The following CCL8 variants were observed in gnomAD, a reference collection of about 807,000 sequenced individuals.
The protein encoded by CCL8 is C-C motif chemokine ligand 8.
CCL8 carries 3 observed loss-of-function variants against 6.6 expected under a neutral mutation model. That is an observed-to-expected ratio of 0.45 (90% CI 0.21 to 1.17). CCL8 has a LOEUF of 1.17. Among genes scored for constraint, CCL8 ranks in the 50% most tolerant of loss-of-function variants. CCL8 has a pLI of 0.24. For missense variants in CCL8, 127 were observed against 118.1 expected (o/e 1.08, Z -0.35); for synonymous variants, 49 against 41.8 (o/e 1.17, Z -0.67).
Position 34,320,809 on chromosome 17 carries a change from A to T in CCL8, c.202A>T (p.Thr68Ser). Residue 68 changes from threonine (T) to serine (S), a missense_variant, in exon 3 of 3, where the codon ACC becomes TCC. Physicochemically the swap from Thr to Ser is moderately conservative, Grantham distance 58 (BLOSUM62 1). Transcript: ENST00000394620. ...GCCCTCTCTCCCCCACAGCTTCAAG[A>T]CCAAACGGGGCAAGGAGGTCTGTGC... The part of the protein sequence containing the change: ...QCPKEAVIFK[T>S]KRGKEVCADP... 1 of 1,603,212 alleles carries T rather than the reference A, an allele frequency of 6.2e-7. No homozygotes were observed. Among genetic ancestry groups the T allele is most frequent in the Non-Finnish European group, 8.5e-7 (1 of 1,175,680 alleles).
At chr17:34,320,058 A>G (rs1909472541) in intron 1 of CCL8, among the ~76,000 whole-genome samples, 1 of 152,218 alleles carries the variant, frequency 6.6e-6, no homozygotes, top group South Asian at 2.1e-4. Context: ...TTGTTACTCA[A>G]AATGTTTCCA....
Position 34,319,568 on chromosome 17 carries a change from G to A in CCL8, c.67G>A (p.Ala23Thr). The A allele has an allele frequency of 6.2e-7, 1 of 1,613,432 alleles. No homozygotes were observed. The highest frequency in any genetic ancestry group is 8.5e-7 in the Non-Finnish European group (1 of 1,179,470). ...AGCCACTTTCAGCCCTCAGGGACTT[G>A]CTCAGCCAGGTAAGACCTCTCCCTT... Reference protein sequence around the residue: ...MAATFSPQGLAQPDSVSIPIT... With the variant: ...MAATFSPQGLTQPDSVSIPIT... The change falls in exon 1 of 3, where the codon GCT becomes ACT. Residue 23 changes from alanine (A) to threonine (T), a missense_variant. Coordinates refer to ENST00000394620, the MANE Select transcript of CCL8 (RefSeq NM_005623.3).
At chr17:34,320,086 C>A (rs745703989) in intron 1 of CCL8, among the ~76,000 whole-genome samples, 183 bp from the exon 2 acceptor site, 1 of 152,120 alleles carries the variant, frequency 6.6e-6, no homozygotes, top group Admixed American at 6.6e-5. Context: ...TCAACAATGA[C>A]GGGCCGCAGA....
chr17:34,320,215 A>T (rs1909476861), intron 1 of CCL8, 54 bp from the exon 2 acceptor site: 4 of 1,066,798 alleles, frequency 3.7e-6, no homozygotes, highest in Non-Finnish European at 4.4e-6. Flanking sequence ...TTCCTTACAA[A>T]TGCACACTTA....
rs757458292 is a variant in CCL8 at position 34,319,518 on chromosome 17, C to T, written c.17C>T (p.Ala6Val). MKVSAALLCLLLMAAT... is the reference protein window; with the variant it reads MKVSAVLLCLLLMAAT... ...CCCTCCAAGATGAAGGTTTCTGCAG[C>T]GCTTCTGTGCCTGCTGCTCATGGCA... The change falls in exon 1 of 3, where the codon GCG becomes GTG. Residue 6 changes from alanine (A) to valine (V), a missense_variant. Ala to Val is a moderately conservative substitution (Grantham distance 64). Coordinates refer to ENST00000394620, the MANE Select transcript of CCL8 (RefSeq NM_005623.3). 7.4e-6 allele frequency: 12 copies of T among 1,613,736 alleles called. No individual in the cohort carries two copies. The highest frequency in any genetic ancestry group is 4.4e-5 in the South Asian group (4 of 91,082).
At position 34,321,008 on chromosome 17, in the gene CCL8, A is replaced by C. The variant is rs200364949; in HGVS notation, c.*101A>C. 7 of 643,902 alleles carry C rather than the reference A, an allele frequency of 1.1e-5. No individual in the cohort carries two copies. The Admixed American group carries it at 2.4e-4, about 22-fold the overall frequency. The allele number at this position is 643,902 out of a possible 1,614,324, so 39.9% of individuals were successfully genotyped here. ...GTGACATTATTTTATTATAACATCC[A>C]CAAAGAGATTATTTTTAAATAATTT... On this transcript the variant is annotated 3_prime_UTR_variant, in exon 3 of 3. Transcript: ENST00000394620.
intron 2 of CCL8, 87 bp from the exon 3 acceptor site, chr17:34,320,715 G>A: frequency 1.2e-6 from 1 of 823,944 alleles, no homozygotes; most frequent in Non-Finnish European, 1.9e-6. Flanking sequence ...AGGACCAAGG[G>A]CTGATCAGTT....
At position 34,320,785 on chromosome 17, in the gene CCL8, C is replaced by T. The variant is rs200441392; in HGVS notation, c.195-17C>T. On this transcript the variant is annotated splice_polypyrimidine_tract_variant and intron_variant, in intron 2 of 2. Transcript: ENST00000394620. The stretch of plus-strand genomic sequence containing the variant: ...CTTCAAAGTCTTCCATCTAATTGTG[C>T]CCTCTCTCCCCCACAGCTTCAAGAC... 2.7e-6 allele frequency: 4 copies of T among 1,505,874 alleles called. No individual in the cohort carries two copies. The highest frequency in any genetic ancestry group is 3.7e-6 in the Non-Finnish European group (4 of 1,092,856). 93.3% of individuals were successfully genotyped at this position (1,505,874 alleles called of 1,614,324 possible).
In CCL8 at chr17:34,320,338, A is replaced by T. The variant is rs34202026; in HGVS notation, c.146A>T (p.Glu49Val). Reference protein sequence around the residue: ...INRKIPIQRLESYTRITNIQC... With the variant: ...INRKIPIQRLVSYTRITNIQC... ...AGGAAAATTCCTATCCAGAGGCTGG[A>T]GAGCTACACAAGAATCACCAACATC... is the stretch of plus-strand genomic sequence containing the variant. The change falls in exon 2 of 3, where the codon GAG becomes GTG. Residue 49 changes from glutamate (E) to valine (V), a missense_variant. Glu to Val is a moderately radical substitution (Grantham distance 121). Coordinates refer to ENST00000394620, the MANE Select transcript of CCL8 (RefSeq NM_005623.3). 0.019 allele frequency: 30,076 copies of T among 1,613,512 alleles called. 349 individuals are homozygous for T. Among genetic ancestry groups the T allele is most frequent in the Non-Finnish European group, 0.022 (25,874 of 1,179,482 alleles).
At position 34,320,470 on chromosome 17, in the gene CCL8, G is replaced by T. The variant is rs144578676; in HGVS notation, c.194+84G>T. On this transcript the variant is annotated intron_variant, in intron 2 of 2. Transcript: ENST00000394620. ...TCAAGATTCATGTCCATATGAGTCG[G>T]ATGCATATAACTTCTATCCAAAGGG... The T allele has an allele frequency of 3.5e-4, 315 of 889,802 alleles. 1 individual carries two copies. The East Asian group carries it at 6.4e-3, about 18-fold the overall frequency. 55.1% of individuals were successfully genotyped at this position (889,802 alleles called of 1,614,324 possible).
rs200181901 is a variant in CCL8, at chr17:34,320,928, A to G, written c.*21A>G. 717 of 1,494,688 alleles carry G rather than the reference A, an allele frequency of 4.8e-4. 1 individual carries two copies. Among genetic ancestry groups the G allele is most frequent in the Non-Finnish European group, 6.4e-4 (693 of 1,085,188 alleles). The allele number at this position is 1,494,688 out of a possible 1,614,324, so 92.6% of individuals were successfully genotyped here. ...CATGAGCCTTCATACATGGACTGAG[A>G]GTCAGAGCTTGAAGAAAAGCTTATT... On this transcript the variant is annotated 3_prime_UTR_variant, in exon 3 of 3. Coordinates refer to ENST00000394620, the MANE Select transcript of CCL8 (RefSeq NM_005623.3).
intron 2 of CCL8, 39 bp downstream of exon 2, chr17:34,320,425 T>C (rs1315282913): frequency 7.8e-7 from 1 of 1,279,550 alleles, no homozygotes; most frequent in Non-Finnish European, 1.1e-6. Flanking sequence ...TCAAAAGTTC[T>C]GATGGACAAC....
intron 2 of CCL8, 132 bp from the exon 3 acceptor site, chr17:34,320,670 C>T (rs1258501441): frequency 8.0e-6 from 5 of 626,508 alleles, no homozygotes; most frequent in Non-Finnish European, 1.1e-5. Flanking sequence ...CCACTCTTCC[C>T]CTCCCTCCTC....
At position 34,319,450 on chromosome 17, in the gene CCL8, A is replaced by G. The variant is rs113350491; in HGVS notation, c.-52A>G. The G allele has an allele frequency of 3.7e-4, 573 of 1,545,494 alleles. 1 individual carries two copies. The African/African-American group carries it at 6.6e-3, about 18-fold the overall frequency. On this transcript the variant is annotated 5_prime_UTR_variant, in exon 1 of 3. Transcript: ENST00000394620. ...ACCGAGGAGCAGAGAGGTTGAGAAC[A>G]ACCCAGAAACCTTCACCTCTCATGC...
At position 34,320,936 on chromosome 17, in the gene CCL8, C is replaced by T; in HGVS notation, c.*29C>T. ...TTCATACATGGACTGAGAGTCAGAG[C>T]TTGAAGAAAAGCTTATTTATTTTCC... is the stretch of plus-strand genomic sequence containing the variant. On this transcript the variant is annotated 3_prime_UTR_variant, in exon 3 of 3. Coordinates refer to ENST00000394620, the MANE Select transcript of CCL8 (RefSeq NM_005623.3). 1 of 1,451,536 alleles carries T rather than the reference C, an allele frequency of 6.9e-7. No individual in the cohort carries two copies. The highest frequency in any genetic ancestry group is 2.4e-5 in the East Asian group (1 of 41,960). 89.9% of individuals were successfully genotyped at this position (1,451,536 alleles called of 1,614,324 possible).
chr17:34,320,826 G>C lies in CCL8; in HGVS notation c.219G>C (p.Glu73Asp), dbSNP rs983414756. The C allele has an allele frequency of 1.2e-6, 2 of 1,608,114 alleles. No homozygotes were observed. Among genetic ancestry groups the C allele is most frequent in the Middle Eastern group, 3.3e-4 (2 of 6,042 alleles). ...AVIFKTKRGK[E>D]VCADPKERWV... is the part of the protein sequence containing the mutation. ...GCTTCAAGACCAAACGGGGCAAGGA[G>C]GTCTGTGCTGACCCCAAGGAGAGAT... The change falls in exon 3 of 3, where the codon GAG (glutamate) becomes GAC (aspartate). Residue 73 changes from glutamate to aspartate, a missense_variant. Coordinates refer to ENST00000394620, the MANE Select transcript of CCL8 (RefSeq NM_005623.3).
chr17:34,320,491 A>T (rs2141929249), intron 2 of CCL8, 105 bp downstream of exon 2: 3 of 768,686 alleles, frequency 3.9e-6, no homozygotes, highest in Non-Finnish European at 6.9e-6. Context: ...CTTCTATCCA[A>T]AGGGCCCCTC....
Position 34,319,440 on chromosome 17 carries a change from G to A in CCL8, c.-62G>A. The A allele has an allele frequency of 6.9e-7, 1 of 1,445,196 alleles. No individual in the cohort carries two copies. The highest frequency in any genetic ancestry group is 9.7e-7 in the Non-Finnish European group (1 of 1,028,670). The allele number at this position is 1,445,196 out of a possible 1,614,324, so 89.5% of individuals were successfully genotyped here. A position where few individuals can be genotyped will look rare whatever the true frequency, so the allele number is the denominator to read the frequency against. On this transcript the variant is annotated 5_prime_UTR_variant, in exon 1 of 3. Coordinates refer to ENST00000394620, the MANE Select transcript of CCL8 (RefSeq NM_005623.3). ...AGGCAGAGCCACCGAGGAGCAGAGA[G>A]GTTGAGAACAACCCAGAAACCTTCA...
In CCL8 at chr17:34,320,328, C is replaced by T; in HGVS notation, c.136C>T (p.Gln46Ter). Residue 46 changes from glutamine to a stop codon, truncating the protein, a stop_gained, in exon 2 of 3, where the codon CAG (glutamine) becomes TAG (stop). Transcript: ENST00000394620. LOFTEE classifies it high-confidence loss of function. ...CGTGATCAATAGGAAAATTCCTATC[C>T]AGAGGCTGGAGAGCTACACAAGAAT... Reference protein sequence around the residue: ...FNVINRKIPIQRLESYTRITN... With the variant: ...FNVINRKIPI 3 of 1,613,742 alleles carry T rather than the reference C, an allele frequency of 1.9e-6. No individual in the cohort carries two copies. The South Asian group carries it at 3.3e-5, about 18-fold the overall frequency.
Sources: gnomAD v4.1 joint callset for allele counts (sites outside exome capture counted in the v4.1 genomes callset) on GRCh38, gnomAD v4.1.1 for gene constraint, MANE v1.5 for transcripts, NCBI Gene and HGNC (gene_info 2026-07-23, HGNC 2026-07-21) for gene names.